ZNF609: variants seen among roughly 807,000 people sequenced by gnomAD.
ZNF609 encodes zinc finger protein 609.
ZNF609 carries 11 observed loss-of-function variants against 109.5 expected under a neutral mutation model. The ratio of observed to expected loss-of-function variants is 0.10; its 90% confidence interval spans 0.06 to 0.17. ZNF609 has a LOEUF of 0.17. Among genes scored for constraint, ZNF609 ranks in the 10% least tolerant of loss-of-function variants. The pLI, the probability that ZNF609 is intolerant of heterozygous loss-of-function variation, is 1.00. For missense variants in ZNF609, 1,559 were observed against 1,772.4 expected (o/e 0.88, Z 2.16); for synonymous variants, 646 against 662.0 (o/e 0.98, Z 0.37).
At position 64,682,646 on chromosome 15, in the gene ZNF609, C is replaced by T. The variant is rs2083217426; in HGVS notation, c.*960C>T. 1 of 152,702 alleles carries T rather than the reference C, an allele frequency of 6.5e-6. No individual in the cohort carries two copies. Among genetic ancestry groups the T allele is most frequent in the African/African-American group, 2.4e-5 (1 of 41,462 alleles). 9.5% of individuals were successfully genotyped at this position (152,702 alleles called of 1,614,324 possible). ...CCTCAGGCAGATAAACTAGTATTCCCCCCAGCTTGGGGAACCTTGGAGTCT... is the reference window on the plus strand; with the variant it reads ...CCTCAGGCAGATAAACTAGTATTCCTCCCAGCTTGGGGAACCTTGGAGTCT... On this transcript the variant is annotated 3_prime_UTR_variant, in exon 10 of 10. Transcript: ENST00000326648.
rs765691880 is a variant in ZNF609, at chr15:64,678,447, G to A, written c.3734G>A (p.Arg1245Gln). 1.2e-5 allele frequency: 19 copies of A among 1,602,666 alleles called. No individual in the cohort carries two copies. The East Asian group carries it at 1.6e-4, about 13-fold the overall frequency. The change falls in exon 6 of 10, where the codon CGG (arginine) becomes CAG (glutamine). Residue 1245 changes from arginine to glutamine, a missense_variant. This residue lies in a region of ZNF609 where 1,204 missense variants were observed against 1,314.1 expected (regional missense o/e 0.92). Transcript: ENST00000326648. ...TACGACCCCAACCACCCCAGCTACC[G>A]GAGCATGCCTGCTGTGATGATGCAG... is the stretch of plus-strand genomic sequence containing the variant. Reference protein sequence around the residue: ...QSYDPNHPSYRSMPAVMMQNY... With the variant: ...QSYDPNHPSYQSMPAVMMQNY...
chr15:64,500,780 G>A (rs528076322), intron 2 of ZNF609: 2 of 213,742 alleles, frequency 9.4e-6, no homozygotes, highest in Non-Finnish European at 1.9e-5. Context: ...GGTTATGACA[G>A]TTTGGCCTAG....
At chr15:64,633,919 A>G (rs540913472) in intron 3 of ZNF609, among the ~76,000 whole-genome samples, 20 of 152,040 alleles carry the variant, frequency 1.3e-4, no homozygotes, top group African/African-American at 1.7e-4. Flanking sequence ...ATGTTTACCA[A>G]TCTCATGCCT....
intron 2 of ZNF609, among the ~76,000 whole-genome samples, chr15:64,512,063 A>G (rs1893741341): frequency 6.6e-6 from 1 of 151,866 alleles, no homozygotes; most frequent in African/African-American, 2.4e-5. Flanking sequence ...CTTCTTGGTT[A>G]AAAATCACTA....
intron 6 of ZNF609, among the ~76,000 whole-genome samples, 182 bp downstream of exon 6, chr15:64,678,664 A>T (rs934515859): frequency 6.6e-6 from 1 of 152,238 alleles, no homozygotes; most frequent in African/African-American, 2.4e-5. Context: ...TGAATGACCC[A>T]TAATGATAGT....
intron 1 of ZNF609, among the ~76,000 whole-genome samples, chr15:64,490,932 A>T (rs548618899): frequency 6.6e-6 from 1 of 152,228 alleles, no homozygotes; most frequent in Non-Finnish European, 1.5e-5. Flanking sequence ...GAGTTGCAGC[A>T]TATAAAGACT....
intron 3 of ZNF609, among the ~76,000 whole-genome samples, chr15:64,624,051 A>G (rs1595742785): frequency 6.6e-6 from 1 of 152,148 alleles, no homozygotes; most frequent in East Asian, 1.9e-4. Context: ...ATTCTAATAA[A>G]ATCTGTTCCC....
chr15:64,513,055 A>T, intron 2 of ZNF609, among the ~76,000 whole-genome samples: 1 of 152,216 alleles, frequency 6.6e-6, no homozygotes, highest in Middle Eastern at 3.4e-3. Context: ...AAAAATTTAA[A>T]ATTTTAAGTG....
chr15:64,499,270 C>G, intron 1 of ZNF609, 23 bp from the exon 2 acceptor site: 1 of 1,062,134 alleles, frequency 9.4e-7, no homozygotes, highest in South Asian at 1.8e-5. Context: ...CTTTTAACAG[C>G]TTTTTAAATT....
chr15:64,563,380 A>G (rs1361203058), intron 2 of ZNF609, among the ~76,000 whole-genome samples: 1 of 142,708 alleles, frequency 7.0e-6, no homozygotes, highest in East Asian at 2.2e-4. Flanking sequence ...GAACCCAGCA[A>G]ATCGAGGCTG....
Position 64,678,345 on chromosome 15 carries a change from A to G in ZNF609, c.3632A>G (p.His1211Arg), listed in dbSNP as rs376159369. The G allele has an allele frequency of 2.3e-5, 37 of 1,614,014 alleles. No homozygotes were observed. Among genetic ancestry groups the G allele is most frequent in the Non-Finnish European group, 3.1e-5 (36 of 1,180,032 alleles). The part of the protein sequence containing the change: ...LGSKEPRPSV[H>R]VPVSSPLTQH... ...AGCAAGGAGCCCCGGCCAAGTGTCC[A>G]TGTGCCTGTGTCCTCCCCACTTACC... The change falls in exon 6 of 10, where the codon CAT becomes CGT. Residue 1211 changes from histidine (H) to arginine (R), a missense_variant. His to Arg is a conservative substitution (Grantham distance 29, BLOSUM62 0). Around this residue, in one of 4 missense-constraint regions of ZNF609, gnomAD observed 1,204 missense variants for 1,314.1 expected, o/e 0.92. Transcript: ENST00000326648.
intron 2 of ZNF609, among the ~76,000 whole-genome samples, chr15:64,517,811 ACT>A (rs1186489825): frequency 9.9e-5 from 15 of 151,790 alleles, no homozygotes; most frequent in Non-Finnish European, 1.8e-4. Context: ...ATTTTTAGAC[ACT>A]CTGTCACCCA....
intron 1 of ZNF609, chr15:64,470,202 G>A (rs1304639788): frequency 6.6e-6 from 1 of 152,144 alleles, no homozygotes; most frequent in Admixed American, 6.6e-5. Flanking sequence ...GTGCCACCAT[G>A]CTTGGTTAAT....
At chr15:64,549,035 C>T (rs1894416507) in intron 2 of ZNF609, among the ~76,000 whole-genome samples, 1 of 151,982 alleles carries the variant, frequency 6.6e-6, no homozygotes, top group Non-Finnish European at 1.5e-5. Flanking sequence ...TTTTTTATTC[C>T]GTTTTGCATA....
chr15:64,631,057 A>G, intron 3 of ZNF609: 1 of 356,798 alleles, frequency 2.8e-6, no homozygotes, highest in Non-Finnish European at 5.3e-6. Context: ...CTTCTACTCA[A>G]TGAAGAGAAA....
intron 3 of ZNF609, among the ~76,000 whole-genome samples, chr15:64,644,981 T>TTTTC (rs147608283): frequency 0.083 from 11,634 of 139,502 alleles, 563 homozygotes; most frequent in African/African-American, 0.093. Flanking sequence ...CTTTCTTTCT[T>TTTTC]TTTCTTTCTT....
At chr15:64,552,068 G>A (rs752257307) in intron 2 of ZNF609, among the ~76,000 whole-genome samples, 1 of 151,682 alleles carries the variant, frequency 6.6e-6, no homozygotes, top group Non-Finnish European at 1.5e-5. Flanking sequence ...TTCTTGATAC[G>A]TTGTGCATGT....
At chr15:64,564,540 G>C (rs947075195) in intron 2 of ZNF609, among the ~76,000 whole-genome samples, 4 of 152,092 alleles carry the variant, frequency 2.6e-5, no homozygotes, top group African/African-American at 9.7e-5. Flanking sequence ...GAAGTAAAAA[G>C]CAGTTTGTTT....
At chr15:64,555,067 A>C (rs1405826994) in intron 2 of ZNF609, among the ~76,000 whole-genome samples, 1 of 147,780 alleles carries the variant, frequency 6.8e-6, no homozygotes, top group African/African-American at 2.5e-5. Context: ...TTGCACTCCA[A>C]CCTGAGCAAC....
Sources: gnomAD v4.1 joint callset for allele counts (sites outside exome capture counted in the v4.1 genomes callset) on GRCh38, gnomAD v4.1.1 for gene constraint, gnomAD v4.1.1 regional missense constraint, MANE v1.5 for transcripts, NCBI Gene and HGNC (gene_info 2026-07-23, HGNC 2026-07-21) for gene names.